The following SPAG16 variants were observed in gnomAD, a reference collection of about 807,000 sequenced individuals.
SPAG16 encodes sperm-associated antigen 16 protein.
A neutral mutation model predicts 80.4 loss-of-function variants in SPAG16; 86 were observed. The observed-to-expected ratio is 1.07, with a 90% CI of 0.90 to 1.28. SPAG16 has a LOEUF of 1.28. Among genes scored for constraint, SPAG16 ranks in the 50% most tolerant of loss-of-function variants. SPAG16 has a pLI of 0.00. For missense variants in SPAG16, 870 were observed against 765.3 expected, an observed-to-expected ratio of 1.14 and a Z score of -1.61; for synonymous variants, 294 against 265.9, an observed-to-expected ratio of 1.11 and a Z score of -1.03.
chr2:213,822,074 G>A (rs1418325996), intron 10 of SPAG16, among the ~76,000 whole-genome samples: 1 of 152,156 alleles, frequency 6.6e-6, no homozygotes, highest in Non-Finnish European at 1.5e-5. Context: ...CTAGTAGTGG[G>A]ATTGCTGGAT....
rs144028725 is a variant in SPAG16, at chr2:214,047,203, C to T, written c.1527+33126C>T. Reference sequence around the variant, plus strand: ...AAACAGTCCTAATATTCATATGGAACCACAAAAGACCTAGAATATCCAAAG... The same window carrying T: ...AAACAGTCCTAATATTCATATGGAATCACAAAAGACCTAGAATATCCAAAG... On this transcript the variant is annotated intron_variant, in intron 13 of 15. Transcript: ENST00000331683. Among the ~76,000 whole-genome samples the T allele has an allele frequency of 8.5e-5, 13 of 152,212 alleles. No individual in the cohort carries two copies. The East Asian group carries it at 2.3e-3, about 27-fold the overall frequency.
At chr2:214,309,535 A>G (rs749717268) in intron 15 of SPAG16, among the ~76,000 whole-genome samples, 5 of 150,686 alleles carry the variant, frequency 3.3e-5, no homozygotes, top group Non-Finnish European at 7.4e-5. Context: ...TCTACCTTCA[A>G]TCTTTGAGGT....
At chr2:213,566,425 A>AT (rs1242589487) in intron 10 of SPAG16, among the ~76,000 whole-genome samples, 1 of 152,118 alleles carries the variant, frequency 6.6e-6, no homozygotes, top group African/African-American at 2.4e-5. Flanking sequence ...ACCCCCTTCA[A>AT]TTTTTTTATT....
At chr2:213,934,982 C>G (rs957634570) in intron 12 of SPAG16, among the ~76,000 whole-genome samples, 2 of 151,928 alleles carry the variant, frequency 1.3e-5, no homozygotes, top group Non-Finnish European at 2.9e-5. Context: ...GCAGGCCGAT[C>G]ACGAGGTCAG....
chr2:214,237,553 A>G (rs1379467366), intron 15 of SPAG16, among the ~76,000 whole-genome samples: 3 of 152,154 alleles, frequency 2.0e-5, no homozygotes, highest in Non-Finnish European at 4.4e-5. Flanking sequence ...CCTCCCAGAA[A>G]AAAGGAAAAG....
At position 214,101,274 on chromosome 2, in the gene SPAG16, T is replaced by TA. The variant is rs553126644; in HGVS notation, c.1528-6916dup. On this transcript the variant is annotated intron_variant, in intron 13 of 15. Coordinates refer to ENST00000331683, the MANE Select transcript of SPAG16 (RefSeq NM_024532.5). ...CAGGCTAGGCTAGCTTGTGTTATGGTAAAAAACAACCTCCAATTCTCACAA... is the reference window on the plus strand; with the variant it reads ...CAGGCTAGGCTAGCTTGTGTTATGGTAAAAAAACAACCTCCAATTCTCACAA... Among the ~76,000 whole-genome samples, 13 of 152,114 alleles carry TA rather than the reference T, an allele frequency of 8.5e-5. No individual in the cohort carries two copies. In the South Asian group the frequency reaches 2.1e-3, roughly 24 times the overall value.
chr2:213,696,913 G>A (rs1448473985), intron 10 of SPAG16, among the ~76,000 whole-genome samples: 2 of 152,180 alleles, frequency 1.3e-5, no homozygotes, highest in Non-Finnish European at 2.9e-5. Flanking sequence ...CTAAAGCAGG[G>A]TTTTATAAAG....
intron 10 of SPAG16, among the ~76,000 whole-genome samples, chr2:213,638,388 A>T (rs1286942180): frequency 6.6e-6 from 1 of 152,088 alleles, no homozygotes; most frequent in East Asian, 1.9e-4. Context: ...TAATGCTACT[A>T]ACTATTTTCT....
chr2:213,949,497 A>T (rs1404478727), intron 12 of SPAG16, among the ~76,000 whole-genome samples: 1 of 151,898 alleles, frequency 6.6e-6, no homozygotes, highest in South Asian at 2.1e-4. Context: ...TGCGTTTTTT[A>T]CTCATCCAAC....
intron 15 of SPAG16, among the ~76,000 whole-genome samples, chr2:214,303,759 T>G (rs1476789199): frequency 6.6e-6 from 1 of 152,212 alleles, no homozygotes; most frequent in Non-Finnish European, 1.5e-5. Flanking sequence ...AGTTATAGGT[T>G]TGTTCACTTT....
intron 15 of SPAG16, among the ~76,000 whole-genome samples, chr2:214,292,848 T>C (rs1693893992): frequency 2.0e-5 from 3 of 152,180 alleles, no homozygotes; most frequent in Admixed American, 2.0e-4. Context: ...GTTGGTTGGG[T>C]AGAGAACTTT....
intron 10 of SPAG16, among the ~76,000 whole-genome samples, chr2:213,508,699 T>C (rs1414862779): frequency 6.6e-6 from 1 of 151,510 alleles, no homozygotes; most frequent in Non-Finnish European, 1.5e-5. Context: ...TTCTCACTCA[T>C]AGGTGGGAAT....
intron 15 of SPAG16, among the ~76,000 whole-genome samples, chr2:214,358,217 ATC>A (rs1402198609): frequency 6.6e-6 from 1 of 151,798 alleles, no homozygotes; most frequent in Non-Finnish European, 1.5e-5. Context: ...CCATTTGGAC[ATC>A]CCAGTTTTAA....
chr2:213,892,290 G>A (rs1318871933), intron 11 of SPAG16, among the ~76,000 whole-genome samples: 1 of 152,014 alleles, frequency 6.6e-6, no homozygotes, highest in Non-Finnish European at 1.5e-5. Flanking sequence ...CTGAAAAGGA[G>A]GTGATGACCT....
intron 10 of SPAG16, among the ~76,000 whole-genome samples, chr2:213,492,661 C>CT (rs1415889899): frequency 6.8e-6 from 1 of 147,874 alleles, no homozygotes; most frequent in Non-Finnish European, 1.5e-5. Context: ...CAATTATATA[C>CT]TTTTTTAAGG....
intron 13 of SPAG16, among the ~76,000 whole-genome samples, chr2:214,078,008 C>T (rs574844923): frequency 1.3e-5 from 2 of 152,278 alleles, no homozygotes; most frequent in African/African-American, 4.8e-5. Context: ...CACATTAATC[C>T]TTACTTTAGC....
chr2:213,434,467 G>A (rs920834186), intron 9 of SPAG16, among the ~76,000 whole-genome samples: 2 of 152,114 alleles, frequency 1.3e-5, no homozygotes, highest in Non-Finnish European at 2.9e-5. Flanking sequence ...AAATAGATAA[G>A]TGGGACTTAA....
chr2:213,965,132 T>C (rs2044644497), intron 12 of SPAG16, among the ~76,000 whole-genome samples: 1 of 152,208 alleles, frequency 6.6e-6, no homozygotes, highest in East Asian at 1.9e-4. Flanking sequence ...CAATGCAGTC[T>C]GTTTTCTCCA....
chr2:214,196,195 C>T (rs985704206), intron 15 of SPAG16, among the ~76,000 whole-genome samples: 2 of 151,944 alleles, frequency 1.3e-5, no homozygotes, highest in Non-Finnish European at 2.9e-5. Context: ...GAAACCATGC[C>T]AGAGAGACAG....
Sources: allele counts gnomAD v4.1 joint callset (sites outside exome capture counted in the v4.1 genomes callset), GRCh38; gene constraint gnomAD v4.1.1; transcripts MANE v1.5; gene names NCBI Gene and HGNC (gene_info 2026-07-23, HGNC 2026-07-21).